AMPH: variants seen among roughly 807,000 people sequenced by gnomAD.
AMPH encodes the protein amphiphysin (Stiff-Mann syndrome with breast cancer 128kD autoantigen).
A neutral mutation model predicts 99.1 loss-of-function variants in AMPH; 49 were observed. The ratio of observed to expected loss-of-function variants is 0.49; its 90% confidence interval spans 0.39 to 0.63. AMPH has a LOEUF of 0.63. Ranked by LOEUF, AMPH falls within the 20% of genes least tolerant of loss-of-function variation. The pLI, the probability that AMPH is intolerant of heterozygous loss-of-function variation, is 0.00. For synonymous variants in AMPH, 314 were observed against 317.3 expected, an observed-to-expected ratio of 0.99 and a Z score of 0.11; for missense variants, 759 against 863.4, an observed-to-expected ratio of 0.88 and a Z score of 1.52.
chr7:38,451,309 G>A (rs60239210), intron 11 of AMPH, among the ~76,000 whole-genome samples: 7,340 of 147,376 alleles, frequency 0.05, 569 homozygotes, highest in East Asian at 0.34. Context: ...ATATACGTGT[G>A]TATATACACA....
chr7:38,612,572 G>C (rs1485129910), intron 1 of AMPH, among the ~76,000 whole-genome samples: 1 of 152,162 alleles, frequency 6.6e-6, no homozygotes, highest in Admixed American at 6.5e-5. Flanking sequence ...TGAAAGAAGA[G>C]CGAGAGAGGA....
At chr7:38,473,471 G>A (rs1174145182) in intron 7 of AMPH, among the ~76,000 whole-genome samples, 1 of 126,138 alleles carries the variant, frequency 7.9e-6, no homozygotes, top group Non-Finnish European at 1.6e-5. Context: ...TTGGGAGGCC[G>A]AGGCGGGTGG....
intron 5 of AMPH, among the ~76,000 whole-genome samples, chr7:38,481,919 A>G (rs891671830): frequency 2.0e-5 from 3 of 152,156 alleles, no homozygotes; most frequent in Non-Finnish European, 4.4e-5. Flanking sequence ...CATTCATTAC[A>G]TAATCACTCA....
intron 16 of AMPH, among the ~76,000 whole-genome samples, chr7:38,418,422 G>A (rs900027259): frequency 1.3e-5 from 2 of 152,098 alleles, no homozygotes; most frequent in African/African-American, 4.8e-5. Flanking sequence ...GGAAGAAATC[G>A]CAGGGCACAC....
intron 17 of AMPH, among the ~76,000 whole-genome samples, chr7:38,406,731 C>CTCTCTTTCTCTCTCTCT: frequency 1.2e-5 from 1 of 80,582 alleles, no homozygotes; most frequent in African/African-American, 5.5e-5. Context: ...TCTCCCTTTC[C>CTCTCTTTCTCTCTCTCT]CTCTCTCTCT....
intron 11 of AMPH, among the ~76,000 whole-genome samples, chr7:38,455,236 A>C (rs1190383171): frequency 6.6e-6 from 1 of 151,900 alleles, no homozygotes; most frequent in Non-Finnish European, 1.5e-5. Context: ...ATGCCCGGCT[A>C]ATTTTTGTAT....
intron 12 of AMPH, among the ~76,000 whole-genome samples, chr7:38,433,518 G>T (rs1786122425): frequency 6.6e-6 from 1 of 151,580 alleles, no homozygotes; most frequent in African/African-American, 2.4e-5. Context: ...GAGGTCAGGA[G>T]ATCGAGACCA....
chr7:38,550,511 A>C (rs1562821667), intron 1 of AMPH, among the ~76,000 whole-genome samples: 1 of 152,204 alleles, frequency 6.6e-6, no homozygotes, highest in Non-Finnish European at 1.5e-5. Flanking sequence ...AAATACATGC[A>C]TGATCTCTGT....
intron 1 of AMPH, among the ~76,000 whole-genome samples, chr7:38,550,253 C>A (rs1369658339): frequency 6.6e-6 from 1 of 152,198 alleles, no homozygotes; most frequent in East Asian, 1.9e-4. Context: ...AGGGAGCTTG[C>A]TAGAAATGCA....
chr7:38,428,473 C>A (rs1285598202), intron 14 of AMPH: 1 of 456,680 alleles, frequency 2.2e-6, no homozygotes, highest in Non-Finnish European at 4.4e-6. Flanking sequence ...GATAAAACAG[C>A]CTGATTTTTA....
chr7:38,519,711 C>T (rs1789879378), intron 2 of AMPH, among the ~76,000 whole-genome samples: 1 of 152,170 alleles, frequency 6.6e-6, no homozygotes, highest in Admixed American at 6.5e-5. Context: ...AAACTTTGCT[C>T]TAGTCTCTGT....
At chr7:38,415,929 T>C (rs1007405131) in intron 17 of AMPH, among the ~76,000 whole-genome samples, 1 of 151,814 alleles carries the variant, frequency 6.6e-6, no homozygotes, top group Non-Finnish European at 1.5e-5. Flanking sequence ...TTTGATTCTC[T>C]ACAGTTCACC....
At chr7:38,389,352 G>A (rs1260629990) in intron 20 of AMPH, among the ~76,000 whole-genome samples, 1 of 152,110 alleles carries the variant, frequency 6.6e-6, no homozygotes, top group African/African-American at 2.4e-5. Flanking sequence ...AGATGATTAG[G>A]TATATATAGT....
At chr7:38,429,142 G>T (rs761039999) in intron 14 of AMPH, 22 of 1,289,926 alleles carry the variant, frequency 1.7e-5, no homozygotes, top group Non-Finnish European at 2.0e-5. Context: ...ATATCTTCAT[G>T]ACTTTCTTTG....
chr7:38,493,773 T>C (rs547541383), intron 4 of AMPH, among the ~76,000 whole-genome samples: 3 of 152,266 alleles, frequency 2.0e-5, no homozygotes, highest in Non-Finnish European at 2.9e-5. Context: ...TGGGGAGGCA[T>C]AGTCAATAGG....
At chr7:38,560,436 G>T (rs1791514170) in intron 1 of AMPH, among the ~76,000 whole-genome samples, 1 of 152,170 alleles carries the variant, frequency 6.6e-6, no homozygotes, top group African/African-American at 2.4e-5. Flanking sequence ...CTGGCCCATG[G>T]AATTGAGAGA....
At position 38,514,648 on chromosome 7, in the gene AMPH, A is replaced by G. The variant is rs531774144; in HGVS notation, c.151-10944T>C. Among the ~76,000 whole-genome samples the G allele has an allele frequency of 3.9e-4, 59 of 152,338 alleles. 1 individual carries two copies. In the East Asian group the frequency reaches 0.01, roughly 26 times the overall value. On this transcript the variant is annotated intron_variant, in intron 2 of 20. Coordinates refer to ENST00000356264, the MANE Select transcript of AMPH (RefSeq NM_001635.4). Reference sequence around the variant, plus strand: ...CATGGGAGTGGGCTCCTGGTATTAAAGATGAGTTTGGCCTGACTTCTTTTC... The same window carrying G: ...CATGGGAGTGGGCTCCTGGTATTAAGGATGAGTTTGGCCTGACTTCTTTTC...
chr7:38,557,769 A>G (rs987350075), intron 1 of AMPH, among the ~76,000 whole-genome samples: 1 of 152,158 alleles, frequency 6.6e-6, no homozygotes, highest in Admixed American at 6.6e-5. Flanking sequence ...GTTAAAAAAA[A>G]TTGAATAAAA....
chr7:38,451,299 A>G (rs1787008678), intron 11 of AMPH, among the ~76,000 whole-genome samples: 1 of 150,996 alleles, frequency 6.6e-6, no homozygotes, highest in Admixed American at 6.6e-5. Context: ...ATGCACACAT[A>G]TATACGTGTG....
Sources: gnomAD v4.1 joint callset for allele counts (sites outside exome capture counted in the v4.1 genomes callset) on GRCh38, gnomAD v4.1.1 for gene constraint, MANE v1.5 for transcripts, NCBI Gene and HGNC (gene_info 2026-07-23, HGNC 2026-07-21) for gene names.